PHLPP1: variants seen among roughly 807,000 people sequenced by gnomAD.
The protein encoded by PHLPP1 is PH domain and leucine rich repeat protein phosphatase 1.
PHLPP1 carries 42 observed loss-of-function variants against 117.2 expected under a neutral mutation model. The observed-to-expected ratio is 0.36, with a 90% CI of 0.28 to 0.46. PHLPP1 has a LOEUF of 0.46. Ranked by LOEUF, PHLPP1 falls within the 20% of genes least tolerant of loss-of-function variation. The pLI, the probability that PHLPP1 is intolerant of heterozygous loss-of-function variation, is 1.00. For synonymous variants in PHLPP1, 1,042 were observed against 970.7 expected (o/e 1.07, Z -1.37); for missense variants, 2,084 against 2,241.9 (o/e 0.93, Z 1.42).
At chr18:62,726,633 G>C (rs1207318557) in intron 1 of PHLPP1, among the ~76,000 whole-genome samples, 2 of 144,114 alleles carry the variant, frequency 1.4e-5, no homozygotes, top group Non-Finnish European at 3.0e-5. Flanking sequence ...ACCCAGGCTG[G>C]AGTGCAGTGG....
chr18:62,716,089 G>T lies in PHLPP1; in HGVS notation c.406G>T (p.Ala136Ser). 1 of 1,494,118 alleles carries T rather than the reference G, an allele frequency of 6.7e-7. No homozygotes were observed. The highest frequency in any genetic ancestry group is 8.8e-7 in the Non-Finnish European group (1 of 1,130,504). The allele number at this position is 1,494,118 out of a possible 1,614,324, so 92.6% of individuals were successfully genotyped here. A position where few individuals can be genotyped will look rare whatever the true frequency, so the allele number is the denominator to read the frequency against. ...LKRNLSAAAAAASSSSSSSAA... is the reference protein window; with the variant it reads ...LKRNLSAAAASASSSSSSSAA... ...GAGGAATCTGTCCGCGGCCGCCGCG[G>T]CCGCCTCCTCGTCGTCGTCGTCCTC... The change falls in exon 1 of 17, where the codon GCC becomes TCC. Residue 136 changes from alanine to serine, a missense_variant. Coordinates refer to ENST00000262719, the MANE Select transcript of PHLPP1 (RefSeq NM_194449.4). This position sits in a 1 kb window ranked among gnomAD's most constrained non-coding sequence, Gnocchi z 5.7.
At chr18:62,867,518 G>C (rs1192029685) in intron 4 of PHLPP1, among the ~76,000 whole-genome samples, 3 of 152,180 alleles carry the variant, frequency 2.0e-5, no homozygotes, top group Non-Finnish European at 2.9e-5. Context: ...GTGCTGGCTT[G>C]ATAGCAGCCT....
rs1911245980 is a variant in PHLPP1, at chr18:62,978,091, C to G, written c.3985-171C>G. On this transcript the variant is annotated intron_variant, in intron 16 of 16. Transcript: ENST00000262719. This position sits in a 1 kb window ranked among gnomAD's most constrained non-coding sequence, Gnocchi z 7.0. ...GCCTACTACCTGGGGTTTCTGATGACAGGTGCACATTAACTACTCACTACA... is the reference window on the plus strand; with the variant it reads ...GCCTACTACCTGGGGTTTCTGATGAGAGGTGCACATTAACTACTCACTACA... Among the ~76,000 whole-genome samples the G allele has an allele frequency of 6.6e-6, 1 of 152,148 alleles. No individual in the cohort carries two copies. Among genetic ancestry groups the G allele is most frequent in the African/African-American group, 2.4e-5 (1 of 41,424 alleles).
intron 1 of PHLPP1, among the ~76,000 whole-genome samples, chr18:62,829,303 T>C (rs966646536): frequency 1.3e-5 from 2 of 152,266 alleles, no homozygotes; most frequent in Non-Finnish European, 2.9e-5. Context: ...GTTAATTTTA[T>C]TAAACTGATT....
intron 1 of PHLPP1, among the ~76,000 whole-genome samples, chr18:62,732,486 C>T (rs1911253593): frequency 6.6e-6 from 1 of 152,254 alleles, no homozygotes; most frequent in East Asian, 1.9e-4. Context: ...TATTACTGCC[C>T]ACTGAAAATG....
intron 1 of PHLPP1, among the ~76,000 whole-genome samples, chr18:62,819,661 T>G (rs1914390447): frequency 6.6e-6 from 1 of 152,232 alleles, no homozygotes; most frequent in African/African-American, 2.4e-5. Context: ...ATTATTTATT[T>G]AGAGACAGAA....
intron 2 of PHLPP1, chr18:62,838,472 G>A (rs1914966727): frequency 9.7e-6 from 2 of 207,172 alleles, no homozygotes; most frequent in Non-Finnish European, 1.9e-5. Flanking sequence ...AATTCTAAGA[G>A]GAAGTAAGAA....
In PHLPP1 at chr18:62,978,327, T is replaced by C. The variant is rs1911258705; in HGVS notation, c.4050T>C (p.Ser1350=). The C allele has an allele frequency of 2.5e-6, 4 of 1,613,052 alleles. No homozygotes were observed. Among genetic ancestry groups the C allele is most frequent in the Non-Finnish European group, 3.4e-6 (4 of 1,179,296 alleles). ...TGGGCTACACCTTCCTCCATCCCAG[T>C]GTGGTGCCTCGCCCCCACGTGCAGT... ...RILGYTFLHP[S]VVPRPHVQSV... is the part of the protein sequence containing the mutation. Residue 1350 remains serine, a synonymous_variant, in exon 17 of 17, where the codon AGT becomes AGC. Coordinates refer to ENST00000262719, the MANE Select transcript of PHLPP1 (RefSeq NM_194449.4). This position sits in a 1 kb window ranked among gnomAD's most constrained non-coding sequence, Gnocchi z 7.0.
chr18:62,924,156 G>A (rs1909555601), intron 10 of PHLPP1, among the ~76,000 whole-genome samples: 2 of 152,186 alleles, frequency 1.3e-5, no homozygotes, highest in Admixed American at 6.5e-5. Flanking sequence ...GCAACATTTT[G>A]TTGTTGGATG....
At chr18:62,758,695 T>C (rs1415998915) in intron 1 of PHLPP1, among the ~76,000 whole-genome samples, 2 of 152,216 alleles carry the variant, frequency 1.3e-5, no homozygotes. Context: ...AGTTTATGAC[T>C]GCACTTGCAT....
chr18:62,843,387 T>G (rs1402880955), intron 3 of PHLPP1, among the ~76,000 whole-genome samples: 1 of 152,244 alleles, frequency 6.6e-6, no homozygotes, highest in Non-Finnish European at 1.5e-5. Flanking sequence ...TTTCAGTTTA[T>G]TTTTCTGGAT....
intron 1 of PHLPP1, among the ~76,000 whole-genome samples, chr18:62,742,214 A>C (rs545184622): frequency 6.6e-6 from 1 of 152,288 alleles, no homozygotes; most frequent in African/African-American, 2.4e-5. Flanking sequence ...AGGAAGATAA[A>C]AGTAACGCGG....
rs77473759 is a variant in PHLPP1 at position 62,829,297 on chromosome 18, A to G, written c.1577-738A>G. Among the ~76,000 whole-genome samples the G allele has an allele frequency of 7.4e-4, 112 of 152,340 alleles. No homozygotes were observed. In the East Asian group the frequency reaches 0.02, roughly 27 times the overall value. Reference sequence around the variant, plus strand: ...TGTAGGAGGAAAAACTCTGCAGTTAATTTTATTAAACTGATTAGTTTTATT... The same window carrying G: ...TGTAGGAGGAAAAACTCTGCAGTTAGTTTTATTAAACTGATTAGTTTTATT... On this transcript the variant is annotated intron_variant, in intron 1 of 16. Coordinates refer to ENST00000262719, the MANE Select transcript of PHLPP1 (RefSeq NM_194449.4).
Position 62,978,955 on chromosome 18 carries a change from G to C in PHLPP1, c.4678G>C (p.Gly1560Arg). The C allele has an allele frequency of 1.2e-6, 2 of 1,610,324 alleles. No homozygotes were observed. The highest frequency in any genetic ancestry group is 1.7e-6 in the Non-Finnish European group (2 of 1,178,466). Residue 1560 changes from glycine to arginine, a missense_variant, in exon 17 of 17, where the codon GGC (glycine) becomes CGC (arginine). By Grantham distance (125) the Gly-to-Arg change is moderately radical. Transcript: ENST00000262719. The surrounding 1 kb of genome is among the most constrained non-coding windows in gnomAD (Gnocchi z 7.0). ...GCCCATCGAGGGCGTCTTCACCAAC[G>C]GCAGCCGGGTGGAGGTGGAGGTGGA... is the stretch of plus-strand genomic sequence containing the variant. ...EEPIEGVFTN[G>R]SRVEVEVDIH...
chr18:62,904,475 T>C (rs1297446954), intron 7 of PHLPP1, among the ~76,000 whole-genome samples: 1 of 152,256 alleles, frequency 6.6e-6, no homozygotes, highest in Non-Finnish European at 1.5e-5. Context: ...ATCCAAGTTA[T>C]TGTGATGGGC....
chr18:62,952,861 A>G (rs1024510321), intron 12 of PHLPP1, among the ~76,000 whole-genome samples: 7 of 152,150 alleles, frequency 4.6e-5, no homozygotes, highest in South Asian at 2.1e-4. Context: ...GCCTCAAGCA[A>G]TCCTTCCACA....
chr18:62,902,964 G>A lies in PHLPP1; in HGVS notation c.2445G>A (p.Arg815=), dbSNP rs1916761557. ...KMPHIKHVDL[R]LNVIRKLIAD... ...AGTCTCTATGTCCTTTGCCCTCAAG[G>A]TTGAACGTAATTAGGAAGCTGATAG... Residue 815 remains arginine (R), a splice_region_variant and synonymous_variant, in exon 7 of 17, where the codon AGG becomes AGA. Transcript: ENST00000262719. 1 of 1,604,892 alleles carries A rather than the reference G, an allele frequency of 6.2e-7. No homozygotes were observed. The highest frequency in any genetic ancestry group is 1.3e-5 in the African/African-American group (1 of 74,772).
intron 4 of PHLPP1, among the ~76,000 whole-genome samples, chr18:62,861,107 GC>G (rs1365696877): frequency 6.6e-6 from 1 of 151,958 alleles, no homozygotes; most frequent in Non-Finnish European, 1.5e-5. Context: ...AATAGAACCT[GC>G]TCCTTTATTT....
intron 1 of PHLPP1, among the ~76,000 whole-genome samples, chr18:62,819,270 G>T (rs1280185080): frequency 1.3e-5 from 2 of 152,194 alleles, no homozygotes; most frequent in Non-Finnish European, 1.5e-5. Flanking sequence ...GAAGTATATT[G>T]TTGTAGTGTA....
Sources: gnomAD v4.1 joint callset for allele counts (sites outside exome capture counted in the v4.1 genomes callset) on GRCh38, gnomAD v4.1.1 for gene constraint, Gnocchi (gnomAD v3.1) non-coding constraint, MANE v1.5 for transcripts, NCBI Gene and HGNC (gene_info 2026-07-23, HGNC 2026-07-21) for gene names.